SULF1: variants seen among roughly 807,000 people sequenced by gnomAD.
The protein encoded by SULF1 is sulfatase 1.
In SULF1, 46 loss-of-function variants were observed where a neutral mutation model predicts 110.5. The observed-to-expected ratio is 0.42, with a 90% CI of 0.33 to 0.53. The LOEUF (loss-of-function observed/expected upper bound fraction) is 0.53, where lower values mean the gene tolerates loss of function less well. SULF1 is among the 20% of genes least tolerant of loss of function. The pLI, the probability that SULF1 is intolerant of heterozygous loss-of-function variation, is 0.12. For missense variants in SULF1, 941 were observed against 1,094.2 expected (o/e 0.86, Z 1.98); for synonymous variants, 371 against 387.1 (o/e 0.96, Z 0.49).
chr8:69,594,331 A>G (rs927954933), intron 8 of SULF1, among the ~76,000 whole-genome samples: 1 of 152,176 alleles, frequency 6.6e-6, no homozygotes, highest in African/African-American at 2.4e-5. Flanking sequence ...GATTACAGGC[A>G]TGAGCCAGCA....
chr8:69,490,015 T>C (rs1179295197), upstream of SULF1, among the ~76,000 whole-genome samples: 1 of 152,134 alleles, frequency 6.6e-6, no homozygotes, highest in Admixed American at 6.5e-5. Flanking sequence ...ATAAAGGACA[T>C]TTGAAGTTAA....
intron 13 of SULF1, among the ~76,000 whole-genome samples, chr8:69,612,246 GT>G (rs1808718524): frequency 1.3e-5 from 2 of 152,164 alleles, no homozygotes; most frequent in South Asian, 4.1e-4. Context: ...TTATGCACTT[GT>G]TGGTTGATGG....
chr8:69,538,779 T>C (rs1329207034), intron 3 of SULF1, among the ~76,000 whole-genome samples: 2 of 151,990 alleles, frequency 1.3e-5, no homozygotes, highest in African/African-American at 4.8e-5. Context: ...TACAACCTCC[T>C]CCTCCCAGAT....
At chr8:69,626,667 G>C (rs2130592285) in intron 15 of SULF1, among the ~76,000 whole-genome samples, 1 of 152,360 alleles carries the variant, frequency 6.6e-6, no homozygotes, top group South Asian at 2.1e-4. Flanking sequence ...ATCGAGCGCA[G>C]CGCCGGTGGG....
intron 13 of SULF1, among the ~76,000 whole-genome samples, chr8:69,611,505 AT>A (rs371318533): frequency 7.4e-4 from 112 of 152,306 alleles, no homozygotes; most frequent in African/African-American, 2.5e-3. Flanking sequence ...AGTAACACTA[AT>A]TCATATTTGT....
chr8:69,597,874 G>A (rs979441184), intron 8 of SULF1, among the ~76,000 whole-genome samples: 28 of 152,098 alleles, frequency 1.8e-4, no homozygotes, highest in Admixed American at 1.8e-3. Flanking sequence ...ATGGTAAATG[G>A]TTAGGGGCCT....
chr8:69,476,262 T>G (rs1374528421), intron 1 of SULF1, among the ~76,000 whole-genome samples: 5 of 152,166 alleles, frequency 3.3e-5, no homozygotes, highest in Non-Finnish European at 7.4e-5. Context: ...TTGGGAATGG[T>G]TTCCCCATTC....
At chr8:69,494,051 T>C (rs982195442) in intron 1 of SULF1, among the ~76,000 whole-genome samples, 3 of 152,036 alleles carry the variant, frequency 2.0e-5, no homozygotes, top group Middle Eastern at 3.2e-3. Flanking sequence ...AAAACCGTGA[T>C]TATAACTTGG....
intron 1 of SULF1, chr8:69,469,175 C>T (rs1808981467): frequency 1.3e-5 from 2 of 152,212 alleles, no homozygotes; most frequent in South Asian, 4.1e-4. Flanking sequence ...AATCTACTGT[C>T]CCAGGTGGTA....
intron 1 of SULF1, among the ~76,000 whole-genome samples, chr8:69,486,316 T>G (rs970570302): frequency 6.4e-5 from 7 of 108,970 alleles, no homozygotes; most frequent in Non-Finnish European, 1.2e-4. Flanking sequence ...GAAACCAGGC[T>G]TTTTTTAAAA....
chr8:69,638,543 T>C lies in SULF1; in HGVS notation c.2326T>C (p.Tyr776His). ...TTGCACGAGTTCTAACAATAACACCTACTGGTGTTTGCGTACAGTTAATGA... is the reference window on the plus strand; with the variant it reads ...TTGCACGAGTTCTAACAATAACACCCACTGGTGTTTGCGTACAGTTAATGA... The part of the protein sequence containing the change: ...CACTSSNNNT[Y>H]WCLRTVNETH... Residue 776 changes from tyrosine to histidine, a missense_variant, in exon 20 of 23, where the codon TAC (tyrosine) becomes CAC (histidine). Coordinates refer to ENST00000402687, the MANE Select transcript of SULF1 (RefSeq NM_001128205.2). 1 of 1,613,796 alleles carries C rather than the reference T, an allele frequency of 6.2e-7. No homozygotes were observed. The highest frequency in any genetic ancestry group is 8.5e-7 in the Non-Finnish European group (1 of 1,179,850).
chr8:69,533,794 T>C (rs578236228), intron 3 of SULF1, among the ~76,000 whole-genome samples: 1 of 152,192 alleles, frequency 6.6e-6, no homozygotes, highest in Non-Finnish European at 1.5e-5. Context: ...TTGGATCAAA[T>C]GGTATTTCTG....
chr8:69,503,491 G>T (rs1039678175), intron 3 of SULF1, among the ~76,000 whole-genome samples: 6 of 152,140 alleles, frequency 3.9e-5, no homozygotes, highest in South Asian at 2.1e-4. Flanking sequence ...CAATGAACAA[G>T]TTCATTGAAT....
rs567308205 is a variant in SULF1, at chr8:69,499,311, G to A, written c.-228-2563G>A. On this transcript the variant is annotated intron_variant, in intron 2 of 22. Transcript: ENST00000402687. ...TCAAAATAAGTCTCTAAGGATAAAC[G>A]AAACCCATACACCAATAATACTCTA... Among the ~76,000 whole-genome samples, 54 of 152,202 alleles carry A rather than the reference G, an allele frequency of 3.5e-4. No individual in the cohort carries two copies. In the South Asian group the frequency reaches 0.01, roughly 29 times the overall value.
intron 1 of SULF1, among the ~76,000 whole-genome samples, chr8:69,484,681 C>T (rs1809626604): frequency 6.6e-6 from 1 of 152,088 alleles, no homozygotes; most frequent in Non-Finnish European, 1.5e-5. Context: ...AAGTGATGCC[C>T]AGGCTCACTA....
At chr8:69,589,209 C>G in intron 8 of SULF1, 68 bp downstream of exon 8, 5 of 1,456,872 alleles carry the variant, frequency 3.4e-6, no homozygotes, top group Non-Finnish European at 1.9e-6. Context: ...TCCCACTCCT[C>G]TCCTTTACCC....
At chr8:69,654,030 G>A (rs1308961658) in intron 22 of SULF1, among the ~76,000 whole-genome samples, 2 of 152,192 alleles carry the variant, frequency 1.3e-5, no homozygotes, top group African/African-American at 4.8e-5. Flanking sequence ...AGGCCACTCA[G>A]GTTTGCCAGC....
rs548798854 is a variant in SULF1, at chr8:69,594,711, CA to C, written c.734+5582del. Among the ~76,000 whole-genome samples the C allele has an allele frequency of 3.4e-3, 488 of 144,654 alleles. 6 individuals are homozygous for C. In the East Asian group the frequency reaches 0.047, roughly 14 times the overall value. 94.9% of individuals were successfully genotyped at this position (144,654 alleles called of 152,430 possible). A position where few individuals can be genotyped will look rare whatever the true frequency, so the allele number is the denominator to read the frequency against. Reference sequence around the variant, plus strand: ...GAAGATAAGAAAAGTTTAAATTCTACAAAAAAAAAAAATCTGATTTGGGCAG... The same window carrying C: ...GAAGATAAGAAAAGTTTAAATTCTACAAAAAAAAAAATCTGATTTGGGCAG... On this transcript the variant is annotated intron_variant, in intron 8 of 22. Coordinates refer to ENST00000402687, the MANE Select transcript of SULF1 (RefSeq NM_001128205.2).
chr8:69,539,678 C>T (rs977492172), intron 3 of SULF1, among the ~76,000 whole-genome samples: 13 of 152,176 alleles, frequency 8.5e-5, no homozygotes, highest in African/African-American at 2.9e-4. Flanking sequence ...GGGCATTCCT[C>T]GAGTCTCGGG....
Sources: gnomAD v4.1 joint callset for allele counts (sites outside exome capture counted in the v4.1 genomes callset) on GRCh38, gnomAD v4.1.1 for gene constraint, MANE v1.5 for transcripts, NCBI Gene and HGNC (gene_info 2026-07-23, HGNC 2026-07-21) for gene names.